Variants in GRM8 observed in about 807,000 individuals in gnomAD.
GRM8 encodes metabotropic glutamate receptor 8.
Under a neutral mutation model 87.2 loss-of-function variants are expected in GRM8, and 47 were observed. The ratio of observed to expected loss-of-function variants is 0.54; its 90% CI spans 0.43 to 0.69. GRM8 has a LOEUF of 0.69. Ranked by LOEUF, GRM8 falls within the 30% of genes least tolerant of loss-of-function variation. The pLI, the probability that GRM8 is intolerant of heterozygous loss-of-function variation, is 0.00. For synonymous variants in GRM8, 396 were observed against 404.5 expected, an observed-to-expected ratio of 0.98 and a Z score of 0.25; for missense variants, 1,019 against 1,139.2, an observed-to-expected ratio of 0.89 and a Z score of 1.52.
Position 127,130,270 on chromosome 7 carries a change from G to GTAC in GRM8, c.511-23559_511-23558insGTA, listed in dbSNP as rs1563532255. Among the ~76,000 whole-genome samples the GTAC allele has an allele frequency of 1.1e-3, 174 of 152,292 alleles. 1 individual carries two copies. Among genetic ancestry groups the GTAC allele is most frequent in the African/African-American group, 4.2e-3 (173 of 41,578 alleles). ...AGACTAATACGGATAATTGGTACAG[G>GTAC]GAGTGGGGTACTGCTATAAAAATAA... On this transcript the variant is annotated intron_variant, in intron 2 of 10. Coordinates refer to ENST00000339582, the MANE Select transcript of GRM8 (RefSeq NM_000845.3).
At position 126,901,854 on chromosome 7, in the gene GRM8, G is replaced by T. The variant is rs547193421; in HGVS notation, c.1156+688C>A. 5.3e-5 allele frequency among the ~76,000 whole-genome samples: 8 copies of T among 151,932 alleles called. No individual in the cohort carries two copies. In the South Asian group the frequency reaches 1.7e-3, roughly 32 times the overall value. The stretch of plus-strand genomic sequence containing the variant: ...TTTTCTATGTGTTAGTTTCTAATAC[G>T]TATATTAAAAATGAATGTTTATATT... On this transcript the variant is annotated intron_variant, in intron 6 of 10. Transcript: ENST00000339582.
intron 3 of GRM8, among the ~76,000 whole-genome samples, chr7:127,040,235 A>T (rs1308116314): frequency 2.6e-5 from 4 of 152,028 alleles, no homozygotes; most frequent in African/African-American, 7.2e-5. Flanking sequence ...TCAGCAACCA[A>T]GAACAGTTCA....
intron 8 of GRM8, among the ~76,000 whole-genome samples, chr7:126,567,492 G>A (rs531066023): frequency 1.3e-5 from 2 of 152,184 alleles, no homozygotes; most frequent in African/African-American, 2.4e-5. Context: ...CACAAACATG[G>A]CACATGCATA....
chr7:126,797,138 C>T (rs887818407), intron 6 of GRM8, among the ~76,000 whole-genome samples: 1 of 152,080 alleles, frequency 6.6e-6, no homozygotes, highest in African/African-American at 2.4e-5. Flanking sequence ...CCTATCCCCA[C>T]CCTATGAGTT....
chr7:126,737,098 A>G (rs1814321200), intron 7 of GRM8, among the ~76,000 whole-genome samples: 1 of 152,074 alleles, frequency 6.6e-6, no homozygotes, highest in Non-Finnish European at 1.5e-5. Context: ...AATTAGCCAC[A>G]AGATTAGAAA....
rs529555411 is a variant in GRM8 at position 127,198,738 on chromosome 7, T to C, written c.510+43957A>G. Among the ~76,000 whole-genome samples the C allele has an allele frequency of 1.6e-4, 24 of 151,994 alleles. No individual in the cohort carries two copies. The South Asian group carries it at 4.6e-3, about 29-fold the overall frequency. On this transcript the variant is annotated intron_variant, in intron 2 of 10. Transcript: ENST00000339582. ...GGATAGAGTCTGGAGTGCAGTGATA[T>C]GATCATAGCTCACTGTAACCTCAAA...
At chr7:126,948,102 C>T (rs1586563103) in intron 3 of GRM8, among the ~76,000 whole-genome samples, 1 of 152,116 alleles carries the variant, frequency 6.6e-6, no homozygotes, top group East Asian at 1.9e-4. Flanking sequence ...TGCACAGTTC[C>T]AAGACAAACC....
At chr7:126,632,614 A>G (rs1274390975) in intron 7 of GRM8, among the ~76,000 whole-genome samples, 2 of 152,184 alleles carry the variant, frequency 1.3e-5, no homozygotes, top group Non-Finnish European at 2.9e-5. Flanking sequence ...TCACAATAAA[A>G]AAGTCATGCA....
At chr7:127,040,757 C>A (rs186866562) in intron 3 of GRM8, among the ~76,000 whole-genome samples, 57 of 152,346 alleles carry the variant, frequency 3.7e-4, no homozygotes, top group Admixed American at 3.1e-3. Flanking sequence ...CAAGTTACCA[C>A]ACAAACTCAT....
chr7:126,474,819 A>C (rs1160135180), intron 9 of GRM8, among the ~76,000 whole-genome samples: 2 of 152,182 alleles, frequency 1.3e-5, no homozygotes, highest in African/African-American at 4.8e-5. Context: ...GGATGTAAAG[A>C]TGGTTTCATG....
chr7:126,799,940 T>C (rs899055388), intron 6 of GRM8, among the ~76,000 whole-genome samples: 1 of 152,052 alleles, frequency 6.6e-6, no homozygotes, highest in African/African-American at 2.4e-5. Context: ...ATCTCCTCCT[T>C]CTCATCCCAA....
rs528077776 is a variant in GRM8, at chr7:127,042,962, C to T, written c.727+63534G>A. Among the ~76,000 whole-genome samples, 3 of 152,276 alleles carry T rather than the reference C, an allele frequency of 2.0e-5. No individual in the cohort carries two copies. In the South Asian group the frequency reaches 6.2e-4, roughly 32 times the overall value. Reference sequence around the variant, plus strand: ...TCAAAAAATGGGTGAAGGATATGAACAGACACTTCTCAAAAGAAGACATTT... The same window carrying T: ...TCAAAAAATGGGTGAAGGATATGAATAGACACTTCTCAAAAGAAGACATTT... On this transcript the variant is annotated intron_variant, in intron 3 of 10. Coordinates refer to ENST00000339582, the MANE Select transcript of GRM8 (RefSeq NM_000845.3).
chr7:126,728,576 G>A (rs139423172), intron 7 of GRM8, among the ~76,000 whole-genome samples: 1 of 152,194 alleles, frequency 6.6e-6, no homozygotes, highest in African/African-American at 2.4e-5. Context: ...CTGGAGAGGT[G>A]GGCCGTCCAC....
chr7:126,688,492 T>C (rs1808411899), intron 7 of GRM8, among the ~76,000 whole-genome samples: 1 of 152,094 alleles, frequency 6.6e-6, no homozygotes, highest in Middle Eastern at 3.2e-3. Flanking sequence ...AGAGACATAG[T>C]TTCGCTTAGA....
At chr7:127,121,621 A>C (rs1827092993) in intron 2 of GRM8, among the ~76,000 whole-genome samples, 1 of 152,184 alleles carries the variant, frequency 6.6e-6, no homozygotes, top group South Asian at 2.1e-4. Flanking sequence ...CAGGCTGTAC[A>C]GGAAGGATGG....
intron 8 of GRM8, among the ~76,000 whole-genome samples, chr7:126,543,120 G>A (rs776169769): frequency 6.6e-5 from 10 of 152,162 alleles, no homozygotes; most frequent in South Asian, 6.2e-4. Context: ...CAGGCAATGC[G>A]CAACCATCAT....
chr7:126,812,058 A>T (rs566856665), intron 6 of GRM8, among the ~76,000 whole-genome samples: 1 of 151,856 alleles, frequency 6.6e-6, no homozygotes, highest in Non-Finnish European at 1.5e-5. Flanking sequence ...TACACTAAAA[A>T]CCCTGAGTTC....
At chr7:126,940,255 T>C (rs186350705) in intron 3 of GRM8, among the ~76,000 whole-genome samples, 2 of 152,380 alleles carry the variant, frequency 1.3e-5, no homozygotes, top group East Asian at 1.9e-4. Flanking sequence ...TTGTTTTATC[T>C]TTATTTTTTA....
chr7:126,735,220 T>C (rs551352973), intron 7 of GRM8, among the ~76,000 whole-genome samples: 1 of 152,218 alleles, frequency 6.6e-6, no homozygotes, highest in African/African-American at 2.4e-5. Flanking sequence ...TTAATGTATG[T>C]ATTCTCAAAG....
Sources: allele counts gnomAD v4.1 joint callset (sites outside exome capture counted in the v4.1 genomes callset), GRCh38; gene constraint gnomAD v4.1.1; transcripts MANE v1.5; gene names NCBI Gene and HGNC (gene_info 2026-07-23, HGNC 2026-07-21).